Variants in EIF4E3 observed in about 807,000 individuals in gnomAD.
The protein encoded by EIF4E3 is eukaryotic translation initiation factor 4E type 3.
EIF4E3 carries 26 observed loss-of-function variants against 31.7 expected under a neutral mutation model. That is an observed-to-expected ratio of 0.82 (90% confidence interval 0.60 to 1.14). The LOEUF is 1.14. Among genes scored for constraint, EIF4E3 ranks in the 50% most tolerant of loss-of-function variants. EIF4E3 has a pLI of 0.00. For missense variants in EIF4E3, 304 were observed against 270.9 expected (o/e 1.12, Z -0.86); for synonymous variants, 128 against 107.7 (o/e 1.19, Z -1.17).
intron 2 of EIF4E3, among the ~76,000 whole-genome samples, chr3:71,707,833 C>T (rs2049316403): frequency 6.6e-6 from 1 of 151,392 alleles, no homozygotes; most frequent in Admixed American, 6.6e-5. Context: ...TCTGTTGTGA[C>T]TCAGGAAAGT....
chr3:71,725,616 G>A (rs1441053783), upstream of EIF4E3, among the ~76,000 whole-genome samples: 1 of 151,954 alleles, frequency 6.6e-6, no homozygotes, highest in Non-Finnish European at 1.5e-5. The surrounding 1 kb of genome is among the most constrained non-coding windows in gnomAD (Gnocchi z 6.1). Context: ...GGCCGATCCC[G>A]CTCAGGCGCG....
chr3:71,737,136 T>C (rs2049771740), intron 1 of EIF4E3, among the ~76,000 whole-genome samples: 1 of 152,158 alleles, frequency 6.6e-6, no homozygotes, highest in Non-Finnish European at 1.5e-5. Flanking sequence ...TTAAATAACA[T>C]TCCCATCATC....
At chr3:71,712,644 G>GGGC (rs35405190) in intron 1 of EIF4E3, among the ~76,000 whole-genome samples, 1 of 123,986 alleles carries the variant, frequency 8.1e-6, no homozygotes, top group Non-Finnish European at 1.6e-5. Flanking sequence ...GTGGGCGGGG[G>GGGC]AGATTCTAGG....
chr3:71,671,204 C>T (rs2048845619), downstream of EIF4E3, among the ~76,000 whole-genome samples: 1 of 152,104 alleles, frequency 6.6e-6, no homozygotes. Flanking sequence ...AACTCAAGTG[C>T]CCTCTCTGTT....
At chr3:71,665,117 T>C in the EIF4E3 span, among the ~76,000 whole-genome samples, 1 of 152,228 alleles carries the variant, frequency 6.6e-6, no homozygotes, top group Non-Finnish European at 1.5e-5. Context: ...ATGGTGCTCA[T>C]GGTGACCCTC....
At chr3:71,672,501 T>C (rs1208919446), downstream of EIF4E3, among the ~76,000 whole-genome samples, 2 of 152,222 alleles carry the variant, frequency 1.3e-5, no homozygotes, top group Non-Finnish European at 2.9e-5. Context: ...GGGAGGAAGA[T>C]GGCTCTCAGA....
At chr3:71,707,462 C>T (rs779142784) in intron 2 of EIF4E3, among the ~76,000 whole-genome samples, 1 of 152,152 alleles carries the variant, frequency 6.6e-6, no homozygotes, top group Non-Finnish European at 1.5e-5. Context: ...GAACTATATA[C>T]CATCTCATCT....
intron 2 of EIF4E3, among the ~76,000 whole-genome samples, chr3:71,709,106 T>G (rs2049337807): frequency 6.6e-6 from 1 of 152,216 alleles, no homozygotes; most frequent in Non-Finnish European, 1.5e-5. Context: ...AATGGATCTC[T>G]GTGCTACTTC....
At chr3:71,708,025 C>G (rs564707483) in intron 2 of EIF4E3, among the ~76,000 whole-genome samples, 35 of 152,004 alleles carry the variant, frequency 2.3e-4, no homozygotes, top group African/African-American at 8.0e-4. Context: ...AAGTGCCCAC[C>G]ACCACTCCAG....
In EIF4E3 at chr3:71,684,003, T is replaced by C. The variant is rs535783297; in HGVS notation, c.*679A>G. 29 of 152,364 alleles carry C rather than the reference T, an allele frequency of 1.9e-4. No individual in the cohort carries two copies. Among genetic ancestry groups the C allele is most frequent in the South Asian group, 6.2e-4 (3 of 4,820 alleles). 9.4% of individuals were successfully genotyped at this position (152,364 alleles called of 1,614,324 possible). A position where few individuals can be genotyped will look rare whatever the true frequency, so the allele number is the denominator to read the frequency against. Reference sequence around the variant, plus strand: ...GCTTGATTTATATCCTGATACTGAATTGTGATTATAGTTTTCATGTTATGC... The same window carrying C: ...GCTTGATTTATATCCTGATACTGAACTGTGATTATAGTTTTCATGTTATGC... On this transcript the variant is annotated 3_prime_UTR_variant, in exon 7 of 7. Transcript: ENST00000425534.
At position 71,712,708 on chromosome 3, in the gene EIF4E3, T is replaced by C. The variant is rs182694175; in HGVS notation, c.177-2224A>G. 2.0e-5 allele frequency among the ~76,000 whole-genome samples: 3 copies of C among 152,162 alleles called. No homozygotes were observed. In the East Asian group the frequency reaches 5.8e-4, roughly 29 times the overall value. On this transcript the variant is annotated intron_variant, in intron 1 of 6. Coordinates refer to ENST00000425534, the MANE Select transcript of EIF4E3 (RefSeq NM_001134651.2). ...TCTTTTTTCATTCAAAAAACTGTAT[T>C]TCAAAAAAATTTTTTTAACTAATTT... is the stretch of plus-strand genomic sequence containing the variant.
At chr3:71,737,339 G>A (rs549337693) in intron 1 of EIF4E3, among the ~76,000 whole-genome samples, 6 of 152,314 alleles carry the variant, frequency 3.9e-5, no homozygotes, top group Admixed American at 1.3e-4. Context: ...GTGGCAGAAG[G>A]TGCTTGAATA....
At chr3:71,754,652 C>T (rs765856457), upstream of EIF4E3, 7 of 1,499,796 alleles carry the variant, frequency 4.7e-6, no homozygotes, top group African/African-American at 8.7e-5. The surrounding 1 kb of genome is among the most constrained non-coding windows in gnomAD (Gnocchi z 5.8). Context: ...ACCTCGTCTA[C>T]CTCCGCCTGC....
At chr3:71,703,609 C>T (rs2049248610) in intron 2 of EIF4E3, among the ~76,000 whole-genome samples, 1 of 152,158 alleles carries the variant, frequency 6.6e-6, no homozygotes, top group Non-Finnish European at 1.5e-5. Flanking sequence ...CCCCACCTTA[C>T]AGCCTTCTGC....
At chr3:71,754,200 C>G, upstream of EIF4E3, 1 of 1,413,852 alleles carries the variant, frequency 7.1e-7, no homozygotes, top group East Asian at 3.2e-5. This position sits in a 1 kb window ranked among gnomAD's most constrained non-coding sequence, Gnocchi z 5.8. Flanking sequence ...CAGCCTGCAC[C>G]GCGCCCCGTA....
upstream of EIF4E3, chr3:71,754,244 G>C (rs748595423): frequency 1.6e-6 from 2 of 1,287,644 alleles, no homozygotes; most frequent in East Asian, 7.2e-5. The surrounding 1 kb of genome is among the most constrained non-coding windows in gnomAD (Gnocchi z 5.8). Context: ...TGGCCGACGG[G>C]CTGCGCGCGC....
At chr3:71,736,504 C>A (rs746386152) in intron 1 of EIF4E3, among the ~76,000 whole-genome samples, 1 of 152,142 alleles carries the variant, frequency 6.6e-6, no homozygotes, top group Non-Finnish European at 1.5e-5. Flanking sequence ...CATGAAAATA[C>A]ATTGGGGAAA....
chr3:71,704,194 T>G (rs992455038), intron 2 of EIF4E3, among the ~76,000 whole-genome samples: 1 of 152,200 alleles, frequency 6.6e-6, no homozygotes, highest in Admixed American at 6.5e-5. Flanking sequence ...TGACAGGATG[T>G]GAGGGTAATT....
chr3:71,732,404 T>TG (rs2108137467), intron 1 of EIF4E3, among the ~76,000 whole-genome samples: 1 of 148,396 alleles, frequency 6.7e-6, no homozygotes, highest in East Asian at 2.0e-4. Context: ...TTCCCTGATT[T>TG]AAAAAAAAAA....
Sources: allele counts gnomAD v4.1 joint callset (sites outside exome capture counted in the v4.1 genomes callset), GRCh38; gene constraint gnomAD v4.1.1; non-coding constraint Gnocchi (gnomAD v3.1); transcripts MANE v1.5; gene names NCBI Gene and HGNC (gene_info 2026-07-23, HGNC 2026-07-21).